Variants in SPATA46 observed in about 807,000 individuals in gnomAD.
The protein encoded by SPATA46 is spermatogenesis associated 46, also known as spermatogenesis-associated protein 46.
SPATA46 carries 3 observed loss-of-function variants against 6.2 expected under a neutral mutation model. That is an observed-to-expected ratio of 0.48 (90% CI 0.22 to 1.25). SPATA46 has a LOEUF of 1.25. Among genes scored for constraint, SPATA46 ranks in the 50% most tolerant of loss-of-function variants. The pLI is 0.20. For missense variants in SPATA46, 308 were observed against 323.5 expected (o/e 0.95, Z 0.37); for synonymous variants, 117 against 123.3 (o/e 0.95, Z 0.34).
chr1:162,374,869 G>A (rs2101840663), intron 2 of SPATA46, among the ~76,000 whole-genome samples: 1 of 152,280 alleles, frequency 6.6e-6, no homozygotes, highest in South Asian at 2.1e-4. Context: ...TAGTTGGTAA[G>A]CCTTGGTATT....
chr1:162,374,169 A>G lies in SPATA46; in HGVS notation c.665T>C (p.Leu222Pro). Residue 222 changes from leucine to proline, a missense_variant, in exon 3 of 3, where the codon CTC becomes CCC. Transcript: ENST00000367935. ...CCGGGCCTTCTGCTCCTTGCTCCAG[A>G]GGGCTTTGAGCTTGCGGTAGTACAC... ...CKVYYRKLKA[L>P]WSKEQKARLG... 6.2e-7 allele frequency: 1 copy of G among 1,614,238 alleles called. No individual in the cohort carries two copies. Among genetic ancestry groups the G allele is most frequent in the Non-Finnish European group, 8.5e-7 (1 of 1,180,040 alleles).
In SPATA46 at chr1:162,375,552, A is replaced by G. The variant is rs1419327943; in HGVS notation, c.104-149T>C. 1.4e-5 allele frequency: 9 copies of G among 634,618 alleles called. No homozygotes were observed. The African/African-American group carries it at 1.6e-4, about 12-fold the overall frequency. The allele number at this position is 634,618 out of a possible 1,614,324, so 39.3% of individuals were successfully genotyped here. A position where few individuals can be genotyped will look rare whatever the true frequency, so the allele number is the denominator to read the frequency against. On this transcript the variant is annotated intron_variant, in intron 1 of 2. Transcript: ENST00000367935. ...AGTGACCTCTCAAACTCAGCCAGGC[A>G]GAGCTATTCTGGATGACATCCTGGG... is the stretch of plus-strand genomic sequence containing the variant.
chr1:162,376,436 A>G (rs2101842060), intron 1 of SPATA46: 1 of 403,874 alleles, frequency 2.5e-6, no homozygotes, highest in African/African-American at 2.1e-5. Flanking sequence ...ATTGCACTCC[A>G]GCCTGAGCGA....
chr1:162,376,779 G>C lies in SPATA46; in HGVS notation c.12C>G (p.Phe4Leu). 6.2e-7 allele frequency: 1 copy of C among 1,614,046 alleles called. No individual in the cohort carries two copies. Among genetic ancestry groups the C allele is most frequent in the Non-Finnish European group, 8.5e-7 (1 of 1,180,002 alleles). The stretch of plus-strand genomic sequence containing the variant: ...GAGGTCCAGAGATGCTGAGGAGTGA[G>C]AAGTTCTCCATATTCTGACCACTGC... MEN[F>L]SLLSISGPPI... Residue 4 changes from phenylalanine to leucine, a missense_variant, in exon 1 of 3, where the codon TTC becomes TTG. Coordinates refer to ENST00000367935, the MANE Select transcript of SPATA46 (RefSeq NM_182581.4).
chr1:162,375,476 C>A, intron 1 of SPATA46, 73 bp from the exon 2 acceptor site: 1 of 1,194,552 alleles, frequency 8.4e-7, no homozygotes, highest in Non-Finnish European at 1.2e-6. Flanking sequence ...CCCAGGCATA[C>A]CTAGGGGCTC....
In SPATA46 at chr1:162,373,838, C is replaced by T; in HGVS notation, c.*210G>A. ...GGGGTTGCTGGTACTGCCAGCTGGG[C>T]ACCTTTGAGAACCTCTATCTTAGAT... On this transcript the variant is annotated 3_prime_UTR_variant, in exon 3 of 3. Transcript: ENST00000367935. The T allele has an allele frequency of 3.7e-6, 2 of 533,424 alleles. No homozygotes were observed. Among genetic ancestry groups the T allele is most frequent in the Non-Finnish European group, 6.4e-6 (2 of 312,420 alleles). 33.0% of individuals were successfully genotyped at this position (533,424 alleles called of 1,614,324 possible). A position where few individuals can be genotyped will look rare whatever the true frequency, so the allele number is the denominator to read the frequency against.
chr1:162,375,531 A>T, intron 1 of SPATA46, 128 bp from the exon 2 acceptor site: 1 of 682,572 alleles, frequency 1.5e-6, no homozygotes, highest in Non-Finnish European at 2.6e-6. Flanking sequence ...CAGAACAGTG[A>T]CCTCTCAAAC....
intron 1 of SPATA46, 153 bp downstream of exon 1, chr1:162,376,535 C>A: frequency 1.3e-6 from 1 of 773,422 alleles, no homozygotes; most frequent in Non-Finnish European, 2.0e-6. Flanking sequence ...AACTACTTAC[C>A]ACAAATGCAG....
At chr1:162,375,192 G>A in intron 2 of SPATA46, 98 bp downstream of exon 2, 2 of 1,046,752 alleles carry the variant, frequency 1.9e-6, no homozygotes, top group African/African-American at 1.6e-5. Context: ...CCGCGCATGG[G>A]GGTCCAGCTT....
chr1:162,374,587 C>T lies in SPATA46; in HGVS notation c.247G>A (p.Glu83Lys), dbSNP rs201416465. The T allele has an allele frequency of 9.9e-6, 16 of 1,613,372 alleles. No individual in the cohort carries two copies. The highest frequency in any genetic ancestry group is 1.4e-5 in the Non-Finnish European group (16 of 1,179,580). ...DCSLGDTQHG[E>K]KLRRNCTIYR... ...ATAGTGCAGTTCCGCCTCAGCTTCTCTCCGTGCTGGGTATCCCCCAAGCTG... is the reference window on the plus strand; with the variant it reads ...ATAGTGCAGTTCCGCCTCAGCTTCTTTCCGTGCTGGGTATCCCCCAAGCTG... The change falls in exon 3 of 3, where the codon GAG becomes AAG. Residue 83 changes from glutamate (E) to lysine (K), a missense_variant. Glu to Lys is a moderately conservative substitution (Grantham distance 56). Coordinates refer to ENST00000367935, the MANE Select transcript of SPATA46 (RefSeq NM_182581.4).
At chr1:162,374,798 C>A (rs1469689719) in intron 2 of SPATA46, among the ~76,000 whole-genome samples, 182 bp from the exon 3 acceptor site, 1 of 152,232 alleles carries the variant, frequency 6.6e-6, no homozygotes, top group Admixed American at 6.5e-5. Flanking sequence ...TTCCTTCTCA[C>A]TGCATTCTTT....
At chr1:162,376,100 C>T (rs1647652631) in intron 1 of SPATA46, among the ~76,000 whole-genome samples, 1 of 152,138 alleles carries the variant, frequency 6.6e-6, no homozygotes, top group African/African-American at 2.4e-5. Context: ...TGAGATTCTG[C>T]ATTTCTAACA....
chr1:162,374,331 T>A lies in SPATA46; in HGVS notation c.503A>T (p.Asp168Val). The change falls in exon 3 of 3, where the codon GAC (aspartate) becomes GTC (valine). Residue 168 changes from aspartate to valine, a missense_variant. Coordinates refer to ENST00000367935, the MANE Select transcript of SPATA46 (RefSeq NM_182581.4). ...GTGCCACCTGGAAGCCATTAGGATG[T>A]CCTGGGATGTGATGGAGTCCAGGCC... ...RHGLDSITSQDILMASRWHPA... is the reference protein window; with the variant it reads ...RHGLDSITSQVILMASRWHPA... 1 of 1,614,094 alleles carries A rather than the reference T, an allele frequency of 6.2e-7. No homozygotes were observed. Among genetic ancestry groups the A allele is most frequent in the Middle Eastern group, 1.6e-4 (1 of 6,062 alleles).
chr1:162,375,665 G>A (rs542222886), intron 1 of SPATA46, among the ~76,000 whole-genome samples: 37 of 152,230 alleles, frequency 2.4e-4, no homozygotes, highest in African/African-American at 6.5e-4. Flanking sequence ...ACACCTCTCC[G>A]CCTGGCCTGC....
chr1:162,376,713 CAT>C lies in SPATA46; in HGVS notation c.76_77del (p.Met26ValfsTer18), dbSNP rs767779088. 1 of 1,614,064 alleles carries C rather than the reference CAT, an allele frequency of 6.2e-7. No homozygotes were observed. On this transcript the variant is annotated frameshift_variant, in exon 1 of 3. Coordinates refer to ENST00000367935, the MANE Select transcript of SPATA46 (RefSeq NM_182581.4). LOFTEE classifies it high-confidence loss of function. ...SSALSAFPDI[M>X]FSRATSLPDI... ...CTGGCAGGCTGGTGGCACGAGAGAACATAATGTCGGGAAAAGCACTCAGGGCG... is the reference window on the plus strand; with the variant it reads ...CTGGCAGGCTGGTGGCACGAGAGAACAATGTCGGGAAAAGCACTCAGGGCG...
At chr1:162,375,855 A>G (rs1647642355) in intron 1 of SPATA46, among the ~76,000 whole-genome samples, 1 of 152,172 alleles carries the variant, frequency 6.6e-6, no homozygotes, top group African/African-American at 2.4e-5. Context: ...CCATCACTGC[A>G]CGGCACACCC....
chr1:162,374,484 G>T lies in SPATA46; in HGVS notation c.350C>A (p.Pro117Gln). The change falls in exon 3 of 3, where the codon CCA (proline) becomes CAA (glutamine). Residue 117 changes from proline to glutamine, a missense_variant. Transcript: ENST00000367935. ...KESQLEAYDF[P>Q]EVQQDEGKWD... ...CTTGCCCTCATCCTGCTGCACCTCT[G>T]GGAAGTCATAGGCCTCCAGCTGGCT... The T allele has an allele frequency of 6.2e-7, 1 of 1,614,208 alleles. No homozygotes were observed. Among genetic ancestry groups the T allele is most frequent in the South Asian group, 1.1e-5 (1 of 91,088 alleles).
At chr1:162,375,493 T>C in intron 1 of SPATA46, 90 bp from the exon 2 acceptor site, 1 of 1,000,770 alleles carries the variant, frequency 1.0e-6, no homozygotes, top group Non-Finnish European at 1.6e-6. Context: ...GCTCAACCTC[T>C]GTACTTCAAG....
chr1:162,376,296 A>T (rs1432215873), intron 1 of SPATA46, among the ~76,000 whole-genome samples: 1 of 152,148 alleles, frequency 6.6e-6, no homozygotes. Flanking sequence ...TTTCTACTCT[A>T]TGTAGACATA....
Sources: gnomAD v4.1 joint callset for allele counts (sites outside exome capture counted in the v4.1 genomes callset) on GRCh38, gnomAD v4.1.1 for gene constraint, MANE v1.5 for transcripts, NCBI Gene and HGNC (gene_info 2026-07-23, HGNC 2026-07-21) for gene names.